The following SH3RF3 variants were observed in gnomAD, a reference collection of about 807,000 sequenced individuals.
The protein encoded by SH3RF3 is SH3 domain containing ring finger 3, also known as E3 ubiquitin-protein ligase SH3RF3.
A neutral mutation model predicts 66.3 loss-of-function variants in SH3RF3; 29 were observed. The observed-to-expected ratio is 0.44, with a 90% confidence interval of 0.33 to 0.60. The LOEUF (loss-of-function observed/expected upper bound fraction) is 0.60. Ranked by LOEUF, SH3RF3 falls within the 20% of genes least tolerant of loss-of-function variation. SH3RF3 has a pLI of 0.04. For missense variants in SH3RF3, 1,194 were observed against 1,190.9 expected, an observed-to-expected ratio of 1.00 and a Z score of -0.04; for synonymous variants, 583 against 532.0, an observed-to-expected ratio of 1.10 and a Z score of -1.32.
chr2:109,381,132 G>A (rs907617355), intron 3 of SH3RF3, among the ~76,000 whole-genome samples: 1 of 152,212 alleles, frequency 6.6e-6, no homozygotes, highest in African/African-American at 2.4e-5. Flanking sequence ...TGCGACGATG[G>A]AAGGCTTAAG....
intron 3 of SH3RF3, among the ~76,000 whole-genome samples, chr2:109,382,594 C>T (rs776123886): frequency 3.9e-5 from 6 of 152,192 alleles, no homozygotes; most frequent in African/African-American, 1.2e-4. Flanking sequence ...GCACCCCAGT[C>T]GTCTCCAGGA....
intron 4 of SH3RF3, among the ~76,000 whole-genome samples, chr2:109,400,693 C>CTCA (rs59136480): frequency 6.6e-6 from 1 of 151,396 alleles, no homozygotes; most frequent in Non-Finnish European, 1.5e-5. Flanking sequence ...TGGATACACA[C>CTCA]CTGCACGCAT....
intron 8 of SH3RF3, among the ~76,000 whole-genome samples, chr2:109,455,427 C>T (rs1432357308): frequency 6.6e-6 from 1 of 152,184 alleles, no homozygotes; most frequent in African/African-American, 2.4e-5. Context: ...ACAGAATGAC[C>T]CATAATGACA....
Position 109,449,465 on chromosome 2 carries a change from A to G in SH3RF3, c.2124A>G (p.Lys708=). The G allele has an allele frequency of 6.2e-7, 1 of 1,613,956 alleles. No individual in the cohort carries two copies. The highest frequency in any genetic ancestry group is 8.5e-7 in the Non-Finnish European group (1 of 1,179,862). Residue 708 remains lysine (K), a synonymous_variant, in exon 8 of 10, where the codon AAA becomes AAG. Coordinates refer to ENST00000309415, the MANE Select transcript of SH3RF3 (RefSeq NM_001099289.3). ...STSSPTNTGC[K]LDEKKSEKKE... ...CCAGCCCCACCAACACGGGATGCAA[A>G]CTAGACGAGAAGAAAAGTGAAAAGG...
chr2:109,378,245 C>T (rs1292803386), intron 3 of SH3RF3, among the ~76,000 whole-genome samples: 1 of 152,214 alleles, frequency 6.6e-6, no homozygotes, highest in African/African-American at 2.4e-5. Context: ...AGGGAGCTGG[C>T]TCATATTCAC....
chr2:109,412,321 T>TCCAAGTG, intron 4 of SH3RF3, among the ~76,000 whole-genome samples: 1 of 152,146 alleles, frequency 6.6e-6, no homozygotes, highest in African/African-American at 2.4e-5. Context: ...GAGGTGGAGA[T>TCCAAGTG]CCAAGTGCCG....
chr2:109,251,696 C>T, intron 1 of SH3RF3: 1 of 923,480 alleles, frequency 1.1e-6, no homozygotes, highest in South Asian at 1.5e-5. Context: ...TTCATAGGTT[C>T]TATTTTACTA....
intron 1 of SH3RF3, among the ~76,000 whole-genome samples, chr2:109,163,288 C>G (rs1677532983): frequency 6.6e-6 from 1 of 150,434 alleles, no homozygotes; most frequent in African/African-American, 2.4e-5. Context: ...TCTAATGAAA[C>G]AGGTGATTAC....
chr2:109,471,754 A>G (rs1001404595), intron 8 of SH3RF3, among the ~76,000 whole-genome samples: 5 of 152,206 alleles, frequency 3.3e-5, no homozygotes, highest in Non-Finnish European at 1.5e-5. Context: ...GACGGTCCCA[A>G]GAGCTTAGCC....
chr2:109,134,850 G>A (rs1676782116), intron 1 of SH3RF3, among the ~76,000 whole-genome samples: 1 of 152,186 alleles, frequency 6.6e-6, no homozygotes, highest in South Asian at 2.1e-4. Flanking sequence ...CCCACAGAGT[G>A]CACAGAGCAG....
At chr2:109,275,744 G>T (rs546817779) in intron 1 of SH3RF3, among the ~76,000 whole-genome samples, 3 of 152,250 alleles carry the variant, frequency 2.0e-5, no homozygotes, top group African/African-American at 4.8e-5. Context: ...TCCTCTCCCG[G>T]ACAGCCGCAC....
rs1679206399 is a variant in SH3RF3, at chr2:109,494,525, C to T, written c.2480+3589C>T. Among the ~76,000 whole-genome samples, 3 of 152,150 alleles carry T rather than the reference C, an allele frequency of 2.0e-5. No homozygotes were observed. The South Asian group carries it at 6.2e-4, about 32-fold the overall frequency. ...GCACCAGAGAGCACTTGGACTTGGG[C>T]CCTGCAGACTTGTGAGTAAAACTTA... On this transcript the variant is annotated intron_variant, in intron 9 of 9. Transcript: ENST00000309415.
intron 8 of SH3RF3, among the ~76,000 whole-genome samples, chr2:109,490,107 C>T (rs1258101540): frequency 6.6e-6 from 1 of 152,202 alleles, no homozygotes; most frequent in Admixed American, 6.5e-5. Flanking sequence ...TTTAAAGTTT[C>T]CTGATGGAAC....
At chr2:109,427,213 C>T (rs896532794) in intron 5 of SH3RF3, among the ~76,000 whole-genome samples, 1 of 152,154 alleles carries the variant, frequency 6.6e-6, no homozygotes, top group African/African-American at 2.4e-5. Context: ...AGGTGATCCA[C>T]CTGCCTCAGG....
chr2:109,176,005 A>G (rs1174512555), intron 1 of SH3RF3, among the ~76,000 whole-genome samples: 1 of 152,198 alleles, frequency 6.6e-6, no homozygotes, highest in African/African-American at 2.4e-5. Flanking sequence ...ACGTGGTCTA[A>G]TTGATATTCT....
At chr2:109,378,262 G>C (rs1454108724) in intron 3 of SH3RF3, among the ~76,000 whole-genome samples, 2 of 152,166 alleles carry the variant, frequency 1.3e-5, no homozygotes, top group Non-Finnish European at 2.9e-5. Context: ...TCACAGTCCT[G>C]GTCTCTGCCT....
intron 3 of SH3RF3, among the ~76,000 whole-genome samples, chr2:109,378,871 T>TC (rs1318020462): frequency 6.6e-6 from 1 of 152,168 alleles, no homozygotes; most frequent in Non-Finnish European, 1.5e-5. Flanking sequence ...GCTGGATAGT[T>TC]CCCTCATATG....
intron 4 of SH3RF3, among the ~76,000 whole-genome samples, chr2:109,407,406 A>G (rs1414208834): frequency 6.6e-6 from 1 of 152,350 alleles, no homozygotes; most frequent in African/African-American, 2.4e-5. Context: ...TTTAAAATGC[A>G]TCACCACCTG....
At chr2:109,407,816 C>G (rs1435287654) in intron 4 of SH3RF3, among the ~76,000 whole-genome samples, 1 of 152,226 alleles carries the variant, frequency 6.6e-6, no homozygotes, top group Admixed American at 6.5e-5. Context: ...AATAGCTGTA[C>G]CTCCATGACT....
Sources: allele counts gnomAD v4.1 joint callset (sites outside exome capture counted in the v4.1 genomes callset), GRCh38; gene constraint gnomAD v4.1.1; transcripts MANE v1.5; gene names NCBI Gene and HGNC (gene_info 2026-07-23, HGNC 2026-07-21).